Variants in SFRP1 observed in about 807,000 individuals in gnomAD.
SFRP1 encodes secreted frizzled related protein 1.
Under a neutral mutation model 25.9 loss-of-function variants are expected in SFRP1, and 9 were observed. The ratio of observed to expected loss-of-function variants is 0.35; its 90% CI spans 0.21 to 0.61. The LOEUF (loss-of-function observed/expected upper bound fraction) is 0.61. SFRP1 is among the 20% of genes least tolerant of loss of function. The pLI, the probability that SFRP1 is intolerant of heterozygous loss-of-function variation, is 0.78. For missense variants in SFRP1, 346 were observed against 418.2 expected (o/e 0.83, Z 1.51); for synonymous variants, 178 against 174.0 (o/e 1.02, Z -0.18).
At chr8:41,277,079 C>A in intron 2 of SFRP1, 1 of 455,152 alleles carries the variant, frequency 2.2e-6, no homozygotes, top group Non-Finnish European at 4.4e-6. Flanking sequence ...ACTCTGAGAG[C>A]AAAGTGCTGC....
chr8:41,308,972 G>A lies in SFRP1; in HGVS notation c.188C>T (p.Ala63Val). 1 of 1,613,416 alleles carries A rather than the reference G, an allele frequency of 6.2e-7. No individual in the cohort carries two copies. Among genetic ancestry groups the A allele is most frequent in the Non-Finnish European group, 8.5e-7 (1 of 1,179,948 alleles). ...CACGTTGTGGCACAGCCGCAGGTCCGCGGGGATGTCCACGCACTGAGGTGG... is the reference window on the plus strand; with the variant it reads ...CACGTTGTGGCACAGCCGCAGGTCCACGGGGATGTCCACGCACTGAGGTGG... ...TKPPQCVDIP[A>V]DLRLCHNVGY... The change falls in exon 1 of 3, where the codon GCG becomes GTG. Residue 63 changes from alanine (A) to valine (V), a missense_variant. Ala to Val is a moderately conservative substitution (Grantham distance 64). Transcript: ENST00000220772.
intron 2 of SFRP1, among the ~76,000 whole-genome samples, chr8:41,275,565 G>A (rs1803562008): frequency 6.7e-6 from 1 of 149,282 alleles, no homozygotes; most frequent in African/African-American, 2.5e-5. Flanking sequence ...TGCAGTGGCG[G>A]AATCTCGGCT....
chr8:41,271,919 T>C (rs900955164), intron 2 of SFRP1, among the ~76,000 whole-genome samples: 2 of 152,138 alleles, frequency 1.3e-5, no homozygotes, highest in Middle Eastern at 3.4e-3. Flanking sequence ...GAGCTATGAC[T>C]GCACCCCTGC....
intron 1 of SFRP1, among the ~76,000 whole-genome samples, chr8:41,304,994 T>C (rs1322628642): frequency 6.6e-6 from 1 of 152,122 alleles, no homozygotes. Flanking sequence ...ACCCAGAACT[T>C]GAGACTGGGT....
chr8:41,270,222 C>A (rs932900984), intron 2 of SFRP1, among the ~76,000 whole-genome samples: 2 of 152,126 alleles, frequency 1.3e-5, no homozygotes, highest in Non-Finnish European at 2.9e-5. Flanking sequence ...CTTGCAGGCA[C>A]GCTAGCCACA....
chr8:41,308,968 G>A lies in SFRP1; in HGVS notation c.192C>T (p.Asp64=), dbSNP rs1246767040. ...KPPQCVDIPA[D]LRLCHNVGYK... is the part of the protein sequence containing the mutation. ...AGCCCACGTTGTGGCACAGCCGCAGGTCCGCGGGGATGTCCACGCACTGAG... is the reference window on the plus strand; with the variant it reads ...AGCCCACGTTGTGGCACAGCCGCAGATCCGCGGGGATGTCCACGCACTGAG... Residue 64 remains aspartate (D), a synonymous_variant, in exon 1 of 3, where the codon GAC becomes GAT. Coordinates refer to ENST00000220772, the MANE Select transcript of SFRP1 (RefSeq NM_003012.5). The A allele has an allele frequency of 1.9e-6, 3 of 1,613,480 alleles. No homozygotes were observed. The highest frequency in any genetic ancestry group is 2.5e-6 in the Non-Finnish European group (3 of 1,179,960).
At position 41,293,189 on chromosome 8, in the gene SFRP1, T is replaced by G. The variant is rs747894851; in HGVS notation, c.622+10272A>C. Among the ~76,000 whole-genome samples the G allele has an allele frequency of 3.5e-4, 53 of 152,278 alleles. 1 individual carries two copies. Among genetic ancestry groups the G allele is most frequent in the Admixed American group, 6.5e-4 (10 of 15,296 alleles). On this transcript the variant is annotated intron_variant, in intron 2 of 2. Coordinates refer to ENST00000220772, the MANE Select transcript of SFRP1 (RefSeq NM_003012.5). ...ACTCAGGCCCATGGCCACAACCACA[T>G]GAGGGACCCCTGAAACACATGGGCC...
chr8:41,299,443 C>T (rs1357202879), intron 2 of SFRP1, among the ~76,000 whole-genome samples: 1 of 144,588 alleles, frequency 6.9e-6, no homozygotes, highest in African/African-American at 2.6e-5. Flanking sequence ...TGTAGTTTTC[C>T]TTGAACTTAA....
At chr8:41,266,188 A>C (rs548949241) in intron 2 of SFRP1, among the ~76,000 whole-genome samples, 21 of 152,104 alleles carry the variant, frequency 1.4e-4, no homozygotes, top group Middle Eastern at 3.4e-3. Flanking sequence ...TCAAGGTCTC[A>C]GTTACCCATT....
At chr8:41,282,370 G>T (rs373791545) in intron 2 of SFRP1, among the ~76,000 whole-genome samples, 11 of 152,132 alleles carry the variant, frequency 7.2e-5, no homozygotes, top group African/African-American at 2.6e-4. Flanking sequence ...TTAACTAGTC[G>T]GGCTTGGTCG....
chr8:41,296,615 G>A (rs1803847191), intron 2 of SFRP1, among the ~76,000 whole-genome samples: 1 of 151,918 alleles, frequency 6.6e-6, no homozygotes, highest in Non-Finnish European at 1.5e-5. Context: ...CCTATTTTTT[G>A]GTTAAAGGAA....
chr8:41,266,152 C>T (rs1046917682), intron 2 of SFRP1, among the ~76,000 whole-genome samples: 12 of 151,320 alleles, frequency 7.9e-5, no homozygotes, highest in Admixed American at 3.9e-4. Flanking sequence ...AGCGACAGAG[C>T]AAGACTCCAT....
At chr8:41,284,446 G>T (rs1490560585) in intron 2 of SFRP1, among the ~76,000 whole-genome samples, 1 of 150,378 alleles carries the variant, frequency 6.6e-6, no homozygotes, top group Non-Finnish European at 1.5e-5. Context: ...CCCCACTCAT[G>T]CACTGGGCAC....
rs146329049 is a variant in SFRP1, at chr8:41,289,841, G to A, written c.622+13620C>T. Among the ~76,000 whole-genome samples the A allele has an allele frequency of 9.3e-3, 1,423 of 152,320 alleles. 19 individuals carry two copies. The highest frequency in any genetic ancestry group is 0.032 in the African/African-American group (1,328 of 41,568). On this transcript the variant is annotated intron_variant, in intron 2 of 2. Transcript: ENST00000220772. ...GCATCAATGCAGAGAAATCCCTCCTGGGCTTCTCAGAAGCTCTTCTGGAGG... is the reference window on the plus strand; with the variant it reads ...GCATCAATGCAGAGAAATCCCTCCTAGGCTTCTCAGAAGCTCTTCTGGAGG...
intron 2 of SFRP1, chr8:41,271,059 G>A (rs187877820): frequency 6.5e-6 from 1 of 154,202 alleles, no homozygotes; most frequent in African/African-American, 2.4e-5. Flanking sequence ...GAAACTATTA[G>A]GCTGTTGCAA....
chr8:41,289,329 A>T (rs188756366), intron 2 of SFRP1, among the ~76,000 whole-genome samples: 43 of 152,354 alleles, frequency 2.8e-4, no homozygotes, highest in African/African-American at 9.9e-4. Context: ...ATTTGAACTG[A>T]CTGGCCAAAG....
chr8:41,303,678 G>A (rs968062317), intron 1 of SFRP1, 140 bp from the exon 2 acceptor site: 1 of 658,088 alleles, frequency 1.5e-6, no homozygotes, highest in East Asian at 2.7e-5. Flanking sequence ...CCTGAGAATT[G>A]AAAACAAGAA....
chr8:41,297,046 GGTTTT>G (rs1803852157), intron 2 of SFRP1, among the ~76,000 whole-genome samples: 1 of 152,008 alleles, frequency 6.6e-6, no homozygotes, highest in African/African-American at 2.4e-5. Flanking sequence ...TCTCTTTGTG[GGTTTT>G]GTTTTGTTTT....
chr8:41,304,031 C>G (rs1198162205), intron 1 of SFRP1, among the ~76,000 whole-genome samples: 1 of 152,184 alleles, frequency 6.6e-6, no homozygotes, highest in Non-Finnish European at 1.5e-5. Context: ...CAGCCAGACT[C>G]ACAAACTCCA....
Sources: allele counts gnomAD v4.1 joint callset (sites outside exome capture counted in the v4.1 genomes callset), GRCh38; gene constraint gnomAD v4.1.1; transcripts MANE v1.5; gene names NCBI Gene and HGNC (gene_info 2026-07-23, HGNC 2026-07-21).